CSMD1: variants seen among roughly 807,000 people sequenced by gnomAD.
CSMD1 encodes the protein CUB and sushi domain-containing protein 1.
In CSMD1, 213 loss-of-function variants were observed where a neutral mutation model predicts 417.5. The observed-to-expected ratio is 0.51, with a 90% CI of 0.46 to 0.57. The LOEUF (loss-of-function observed/expected upper bound fraction) is 0.57, where lower values mean the gene tolerates loss of function less well. Ranked by LOEUF, CSMD1 falls within the 20% of genes least tolerant of loss-of-function variation. CSMD1 has a pLI of 0.00. For missense variants in CSMD1, 6,923 were observed against 4,529.7 expected (o/e 1.53, Z -15.17); for synonymous variants, 2,862 against 1,736.8 (o/e 1.65, Z -16.11).
intron 3 of CSMD1, among the ~76,000 whole-genome samples, chr8:4,043,845 A>T (rs1357679287): frequency 6.6e-6 from 1 of 152,192 alleles, no homozygotes; most frequent in Non-Finnish European, 1.5e-5. Context: ...AATTTCACAT[A>T]CAAAAATGAT....
Position 3,290,003 on chromosome 8 carries a change from G to A in CSMD1, c.3951-5657C>T, listed in dbSNP as rs369943460. Among the ~76,000 whole-genome samples, 53 of 147,154 alleles carry A rather than the reference G, an allele frequency of 3.6e-4. 5 individuals are homozygous for A. The highest frequency in any genetic ancestry group is 3.3e-3 in the South Asian group (16 of 4,806). On this transcript the variant is annotated intron_variant, in intron 25 of 69. Transcript: ENST00000635120. ...TAATCCATCTTGAATTAATTTTTGT[G>A]TAAGGTGTAAGGAAGGGATCCAGTT...
At chr8:3,613,946 A>G (rs774482927) in intron 8 of CSMD1, among the ~76,000 whole-genome samples, 2 of 151,922 alleles carry the variant, frequency 1.3e-5, no homozygotes, top group Non-Finnish European at 2.9e-5. Flanking sequence ...AAATAAAAAA[A>G]ATCCGATTGG....
At chr8:4,503,440 T>A (rs529901487) in intron 2 of CSMD1, among the ~76,000 whole-genome samples, 2 of 152,236 alleles carry the variant, frequency 1.3e-5, no homozygotes, top group East Asian at 3.9e-4. Flanking sequence ...ATATTCGCAA[T>A]ATGTTTCCAA....
At chr8:4,325,884 T>C (rs141757893) in intron 3 of CSMD1, among the ~76,000 whole-genome samples, 279 of 152,292 alleles carry the variant, frequency 1.8e-3, no homozygotes, top group African/African-American at 6.1e-3. Flanking sequence ...GTTCTGTATA[T>C]GCACATGGTC....
intron 7 of CSMD1, among the ~76,000 whole-genome samples, chr8:3,641,706 G>C (rs927539646): frequency 1.3e-5 from 2 of 152,152 alleles, no homozygotes; most frequent in African/African-American, 2.4e-5. Context: ...GCTCAGAACA[G>C]GCTGCAGGCT....
At chr8:3,981,644 T>C (rs2130186040) in intron 5 of CSMD1, among the ~76,000 whole-genome samples, 1 of 152,286 alleles carries the variant, frequency 6.6e-6, no homozygotes, top group South Asian at 2.1e-4. Flanking sequence ...TGTCTTTTAA[T>C]TATGTCTCTT....
At chr8:4,471,612 A>G (rs1485958119) in intron 2 of CSMD1, among the ~76,000 whole-genome samples, 3 of 152,090 alleles carry the variant, frequency 2.0e-5, no homozygotes, top group African/African-American at 7.2e-5. Flanking sequence ...AACCCAGAAC[A>G]TTACACCTAA....
intron 50 of CSMD1, among the ~76,000 whole-genome samples, chr8:3,037,219 T>G (rs1810744062): frequency 6.7e-6 from 1 of 148,248 alleles, no homozygotes; most frequent in South Asian, 2.1e-4. Flanking sequence ...TTTTTTTGTT[T>G]TTTTGAGACG....
intron 34 of CSMD1, 98 bp downstream of exon 34, chr8:3,189,814 G>A (rs577361219): frequency 1.8e-6 from 2 of 1,129,486 alleles, no homozygotes; most frequent in South Asian, 1.5e-5. Context: ...TGGGTCATGA[G>A]CCAGATGGAT....
At chr8:2,971,252 T>A (rs1804429724) in intron 57 of CSMD1, among the ~76,000 whole-genome samples, 1 of 152,150 alleles carries the variant, frequency 6.6e-6, no homozygotes, top group Non-Finnish European at 1.5e-5. Flanking sequence ...ACCTAGATCA[T>A]CTCAGGGTCA....
intron 2 of CSMD1, among the ~76,000 whole-genome samples, chr8:4,453,839 T>TTA (rs869210142): frequency 7.5e-6 from 1 of 133,802 alleles, no homozygotes; most frequent in Non-Finnish European, 1.6e-5. Context: ...TTTTTTTTTT[T>TTA]GAGACAGAGT....
At chr8:4,886,844 C>G (rs1585265880) in intron 1 of CSMD1, among the ~76,000 whole-genome samples, 1 of 151,966 alleles carries the variant, frequency 6.6e-6, no homozygotes, top group East Asian at 1.9e-4. Flanking sequence ...TCTGTCATTT[C>G]AGATTTAAGT....
At chr8:2,999,792 G>T (rs1281784667) in intron 53 of CSMD1, among the ~76,000 whole-genome samples, 166 bp downstream of exon 53, 2 of 151,922 alleles carry the variant, frequency 1.3e-5, no homozygotes, top group Admixed American at 1.3e-4. Flanking sequence ...AAAGGAAAGC[G>T]TGAACATGGC....
intron 8 of CSMD1, among the ~76,000 whole-genome samples, chr8:3,592,796 TAC>T (rs1177031168): frequency 6.6e-6 from 1 of 152,122 alleles, no homozygotes; most frequent in African/African-American, 2.4e-5. Flanking sequence ...CGTTAAAAGT[TAC>T]AGACTTCCAA....
chr8:3,222,748 T>C (rs1262060795), intron 28 of CSMD1, among the ~76,000 whole-genome samples: 2 of 152,234 alleles, frequency 1.3e-5, no homozygotes, highest in African/African-American at 4.8e-5. Flanking sequence ...TGGTTTTCTG[T>C]AATAGCTGAG....
intron 38 of CSMD1, among the ~76,000 whole-genome samples, chr8:3,159,533 G>A (rs1294678217): frequency 6.6e-6 from 1 of 152,120 alleles, no homozygotes; most frequent in African/African-American, 2.4e-5. Context: ...AAGGAACAAT[G>A]CTTTTCATGA....
rs191551501 is a variant in CSMD1 at position 4,992,879 on chromosome 8, G to C, written c.85+1453C>G. ...AAGACCCACTGTTTGCGATCCCCGA[G>C]ATCTCGGGGCGCATTCCCGCAGACA... On this transcript the variant is annotated intron_variant, in intron 1 of 69. Transcript: ENST00000635120. Among the ~76,000 whole-genome samples the C allele has an allele frequency of 2.6e-5, 4 of 152,320 alleles. No individual in the cohort carries two copies. In the East Asian group the frequency reaches 7.7e-4, roughly 30 times the overall value.
chr8:3,899,740 T>A (rs181882127), intron 5 of CSMD1, among the ~76,000 whole-genome samples: 1 of 152,052 alleles, frequency 6.6e-6, no homozygotes, highest in African/African-American at 2.4e-5. Context: ...AGGTTAGCAG[T>A]TGGAAGGGCT....
At chr8:3,768,978 C>A (rs755672519) in intron 5 of CSMD1, among the ~76,000 whole-genome samples, 2 of 152,208 alleles carry the variant, frequency 1.3e-5, no homozygotes, top group Non-Finnish European at 2.9e-5. Flanking sequence ...AAAGGCCTGG[C>A]GGATTCCCGC....
Sources: gnomAD v4.1 joint callset for allele counts (sites outside exome capture counted in the v4.1 genomes callset) on GRCh38, gnomAD v4.1.1 for gene constraint, MANE v1.5 for transcripts, NCBI Gene and HGNC (gene_info 2026-07-23, HGNC 2026-07-21) for gene names.